The following ERN1 variants were observed in gnomAD, a reference collection of about 807,000 sequenced individuals.
ERN1 encodes the protein serine/threonine-protein kinase/endoribonuclease IRE1.
Under a neutral mutation model 113.1 loss-of-function variants are expected in ERN1, and 39 were observed. That is an observed-to-expected ratio of 0.34 (90% confidence interval 0.27 to 0.45). ERN1 has a LOEUF of 0.45. ERN1 is among the 20% of genes least tolerant of loss of function. The probability of loss-of-function intolerance (pLI) is 1.00; values close to 1 mark genes in which losing one functional copy is unlikely to be tolerated. For synonymous variants in ERN1, 507 were observed against 515.9 expected (o/e 0.98, Z 0.23); for missense variants, 976 against 1,274.8 (o/e 0.77, Z 3.57).
At chr17:64,085,060 G>A in intron 2 of ERN1, among the ~76,000 whole-genome samples, 1 of 152,144 alleles carries the variant, frequency 6.6e-6, no homozygotes, top group East Asian at 1.9e-4. Context: ...GGCCACGGAG[G>A]GTTGGGATTT....
intron 1 of ERN1, among the ~76,000 whole-genome samples, chr17:64,122,105 C>T (rs1220819229): frequency 3.9e-5 from 6 of 152,184 alleles, no homozygotes; most frequent in African/African-American, 1.2e-4. Flanking sequence ...TCCCAACATA[C>T]GCACCAGAAC....
At position 64,049,252 on chromosome 17, in the gene ERN1, T is replaced by C. The variant is rs1357069564; in HGVS notation, c.2254-50A>G. ...AGGTCTGGGAGCAGAGTTTTCATCCTCACTCACAGTCAGGGAGGGAGGAGC... is the reference window on the plus strand; with the variant it reads ...AGGTCTGGGAGCAGAGTTTTCATCCCCACTCACAGTCAGGGAGGGAGGAGC... On this transcript the variant is annotated intron_variant, in intron 17 of 21. Coordinates refer to ENST00000433197, the MANE Select transcript of ERN1 (RefSeq NM_001433.5). This position sits in a 1 kb window ranked among gnomAD's most constrained non-coding sequence, Gnocchi z 4.7. 6.6e-7 allele frequency: 1 copy of C among 1,512,158 alleles called. No homozygotes were observed. The allele number at this position is 1,512,158 out of a possible 1,614,324, so 93.7% of individuals were successfully genotyped here.
At chr17:64,085,180 C>G (rs1250791540) in intron 2 of ERN1, among the ~76,000 whole-genome samples, 1 of 152,118 alleles carries the variant, frequency 6.6e-6, no homozygotes, top group Non-Finnish European at 1.5e-5. Flanking sequence ...CTGTCTTAGT[C>G]TGTTTGTGTT....
intron 1 of ERN1, among the ~76,000 whole-genome samples, chr17:64,121,720 C>T (rs1435474387): frequency 6.6e-6 from 1 of 152,184 alleles, no homozygotes; most frequent in Non-Finnish European, 1.5e-5. Flanking sequence ...AACTCCTGAC[C>T]TTATGATCCG....
chr17:64,072,156 G>A (rs1405034405), intron 5 of ERN1, 53 bp from the exon 6 acceptor site: 13 of 1,597,400 alleles, frequency 8.1e-6, no homozygotes, highest in African/African-American at 4.0e-5. Flanking sequence ...AAAAAGTATC[G>A]CTGCCAAACT....
rs769704295 is a variant in ERN1 at position 64,060,619 on chromosome 17, C to A, written c.1088-32G>T. The A allele has an allele frequency of 5.3e-6, 8 of 1,520,490 alleles. No homozygotes were observed. The African/African-American group carries it at 8.2e-5, about 16-fold the overall frequency. The allele number at this position is 1,520,490 out of a possible 1,614,324, so 94.2% of individuals were successfully genotyped here. A position where few individuals can be genotyped will look rare whatever the true frequency, so the allele number is the denominator to read the frequency against. ...CAGGAAACAAAACCTTTAGTGAGAA[C>A]AATTTCCCGAGCTGTGGTGGCACTC... On this transcript the variant is annotated intron_variant, in intron 10 of 21. Coordinates refer to ENST00000433197, the MANE Select transcript of ERN1 (RefSeq NM_001433.5).
chr17:64,107,396 A>G (rs963401223), intron 1 of ERN1, among the ~76,000 whole-genome samples: 1 of 152,204 alleles, frequency 6.6e-6, no homozygotes, highest in African/African-American at 2.4e-5. Context: ...ATCATGGCTC[A>G]CTGCAGCCTC....
intron 2 of ERN1, among the ~76,000 whole-genome samples, chr17:64,093,747 T>C (rs1471140203): frequency 6.6e-6 from 1 of 152,194 alleles, no homozygotes; most frequent in Non-Finnish European, 1.5e-5. Flanking sequence ...CTTCAGCTTA[T>C]GAATGGCAGT....
chr17:64,121,864 G>T (rs971918421), intron 1 of ERN1, among the ~76,000 whole-genome samples: 1 of 152,190 alleles, frequency 6.6e-6, no homozygotes, highest in Admixed American at 6.5e-5. Context: ...TTTCCTTGAT[G>T]GAGACTCTCA....
Position 64,065,967 on chromosome 17 carries a change from C to T in ERN1, c.843-680G>A, listed in dbSNP as rs1002805693. Among the ~76,000 whole-genome samples, 27 of 152,128 alleles carry T rather than the reference C, an allele frequency of 1.8e-4. No individual in the cohort carries two copies. The East Asian group carries it at 4.2e-3, about 24-fold the overall frequency. On this transcript the variant is annotated intron_variant, in intron 8 of 21. Transcript: ENST00000433197. The stretch of plus-strand genomic sequence containing the variant: ...ACTACATTATCTAAACCTCTCTCAA[C>T]GAATACCTTACATTTGAATGCTGTT...
chr17:64,090,005 G>T (rs1025904961), intron 2 of ERN1, among the ~76,000 whole-genome samples: 1 of 151,888 alleles, frequency 6.6e-6, no homozygotes, highest in Admixed American at 6.5e-5. Context: ...TCATACATTC[G>T]AGTGGCCCAA....
At chr17:64,102,887 G>C in intron 1 of ERN1, 9 of 984,882 alleles carry the variant, frequency 9.1e-6, no homozygotes, top group Non-Finnish European at 1.1e-5. Flanking sequence ...TTTAAAACTA[G>C]TAGTTGGGAG....
In ERN1 at chr17:64,126,742, T is replaced by C. The variant is rs549586810; in HGVS notation, c.54+3234A>G. Reference sequence around the variant, plus strand: ...ACTTGATATCGCCTATTAGGATAATTAATGCAGGTGATCACTGTCAGAATA... The same window carrying C: ...ACTTGATATCGCCTATTAGGATAATCAATGCAGGTGATCACTGTCAGAATA... On this transcript the variant is annotated intron_variant, in intron 1 of 21. Transcript: ENST00000433197. Among the ~76,000 whole-genome samples, 5 of 152,230 alleles carry C rather than the reference T, an allele frequency of 3.3e-5. 1 individual carries two copies. The South Asian group carries it at 1.0e-3, about 32-fold the overall frequency.
chr17:64,086,472 G>T (rs1269671375), intron 2 of ERN1, among the ~76,000 whole-genome samples: 4 of 152,042 alleles, frequency 2.6e-5, no homozygotes, highest in Middle Eastern at 3.4e-3. Flanking sequence ...TTACCAAATA[G>T]TATTCTACTA....
At chr17:64,051,485 C>T (rs1225141659) in intron 17 of ERN1, among the ~76,000 whole-genome samples, 2 of 152,212 alleles carry the variant, frequency 1.3e-5, no homozygotes, top group African/African-American at 4.8e-5. Context: ...CAAAAACATT[C>T]GTGCCAAAAA....
chr17:64,107,462 C>T (rs976869672), intron 1 of ERN1, among the ~76,000 whole-genome samples: 2 of 151,936 alleles, frequency 1.3e-5, no homozygotes, highest in African/African-American at 4.8e-5. Flanking sequence ...GCTGCGACTA[C>T]AAGCATGCAC....
intron 1 of ERN1, among the ~76,000 whole-genome samples, chr17:64,099,095 G>T (rs1567879948): frequency 6.6e-6 from 1 of 152,042 alleles, no homozygotes; most frequent in Non-Finnish European, 1.5e-5. Context: ...AAACTGGAAA[G>T]AACCAAACTT....
chr17:64,055,261 T>A (rs1912822866), intron 13 of ERN1, among the ~76,000 whole-genome samples: 1 of 152,048 alleles, frequency 6.6e-6, no homozygotes, highest in African/African-American at 2.4e-5. Flanking sequence ...GGGCTCTGAG[T>A]TCCCTGCACC....
chr17:64,114,305 CAA>C (rs1158830810), intron 1 of ERN1, among the ~76,000 whole-genome samples: 1 of 152,056 alleles, frequency 6.6e-6, no homozygotes, highest in Non-Finnish European at 1.5e-5. Context: ...CATAAAATGA[CAA>C]ATTGTAGTAA....
Sources: gnomAD v4.1 joint callset for allele counts (sites outside exome capture counted in the v4.1 genomes callset) on GRCh38, gnomAD v4.1.1 for gene constraint, Gnocchi (gnomAD v3.1) non-coding constraint, MANE v1.5 for transcripts, NCBI Gene and HGNC (gene_info 2026-07-23, HGNC 2026-07-21) for gene names.